Variants in AUTS2 observed in about 807,000 individuals in gnomAD.
AUTS2 encodes activator of transcription and developmental regulator AUTS2.
AUTS2 carries 17 observed loss-of-function variants against 112.4 expected under a neutral mutation model. That is an observed-to-expected ratio of 0.15 (90% CI 0.10 to 0.23). The LOEUF (loss-of-function observed/expected upper bound fraction) is 0.23. Ranked by LOEUF, AUTS2 falls within the 10% of genes least tolerant of loss-of-function variation. The pLI, the probability that AUTS2 is intolerant of heterozygous loss-of-function variation, is 1.00. For synonymous variants in AUTS2, 751 were observed against 702.7 expected (o/e 1.07, Z -1.09); for missense variants, 1,510 against 1,701.6 (o/e 0.89, Z 1.98).
chr7:70,744,499 A>G lies in AUTS2; in HGVS notation c.743-18371A>G, dbSNP rs187214260. 2.8e-4 allele frequency among the ~76,000 whole-genome samples: 43 copies of G among 152,322 alleles called. 1 individual carries two copies. The South Asian group carries it at 7.9e-3, about 28-fold the overall frequency. ...TTAGTCAGGACTAAAAGCCTTCCAC[A>G]GTGCCTTGACGAGGAGGACATATAA... On this transcript the variant is annotated intron_variant, in intron 6 of 18. Coordinates refer to ENST00000342771, the MANE Select transcript of AUTS2 (RefSeq NM_015570.4).
At chr7:70,480,872 A>G (rs1223224072) in intron 5 of AUTS2, among the ~76,000 whole-genome samples, 1 of 152,182 alleles carries the variant, frequency 6.6e-6, no homozygotes, top group Non-Finnish European at 1.5e-5. Flanking sequence ...GCAGTGCCTC[A>G]AAGGTTGGGT....
At chr7:69,979,391 C>T (rs1230320979) in intron 2 of AUTS2, among the ~76,000 whole-genome samples, 3 of 152,162 alleles carry the variant, frequency 2.0e-5, no homozygotes, top group Non-Finnish European at 2.9e-5. Flanking sequence ...GTGGATAGAC[C>T]ATTCATAGTT....
At chr7:70,000,522 T>C (rs2129552645) in intron 2 of AUTS2, among the ~76,000 whole-genome samples, 1 of 152,338 alleles carries the variant, frequency 6.6e-6, no homozygotes, top group Non-Finnish European at 1.5e-5. Context: ...TTGTGGTCTT[T>C]AATAACAGAG....
At chr7:69,952,167 T>TA (rs1333481456) in intron 2 of AUTS2, among the ~76,000 whole-genome samples, 1 of 152,218 alleles carries the variant, frequency 6.6e-6, no homozygotes, top group Non-Finnish European at 1.5e-5. Context: ...CAAAAACTGT[T>TA]AAAGTCTGAA....
chr7:70,223,165 G>A (rs1458813208), intron 4 of AUTS2, among the ~76,000 whole-genome samples: 1 of 152,144 alleles, frequency 6.6e-6, no homozygotes, highest in Non-Finnish European at 1.5e-5. Flanking sequence ...GTGATTACAG[G>A]TGTGAGCCAC....
intron 4 of AUTS2, among the ~76,000 whole-genome samples, chr7:70,423,641 T>C (rs1421380164): frequency 2.0e-5 from 3 of 152,176 alleles, no homozygotes; most frequent in Admixed American, 2.0e-4. Context: ...CAAAAAAAAA[T>C]GTTCATCAAG....
intron 6 of AUTS2, among the ~76,000 whole-genome samples, chr7:70,752,017 G>A (rs1237613976): frequency 1.3e-5 from 2 of 151,502 alleles, no homozygotes; most frequent in East Asian, 1.9e-4. Context: ...AAGCTGCCAC[G>A]CCTGGCCTGC....
chr7:70,508,613 G>A (rs777943753), intron 5 of AUTS2, among the ~76,000 whole-genome samples: 39 of 152,186 alleles, frequency 2.6e-4, no homozygotes, highest in Non-Finnish European at 2.1e-4. Flanking sequence ...GAGAAAATAT[G>A]AGTGGGGAGA....
intron 4 of AUTS2, among the ~76,000 whole-genome samples, chr7:70,163,399 T>C (rs1267217615): frequency 7.1e-6 from 1 of 141,168 alleles, no homozygotes; most frequent in African/African-American, 2.6e-5. Context: ...TCTTTAGATA[T>C]CTTTAGCAAT....
intron 2 of AUTS2, among the ~76,000 whole-genome samples, chr7:69,914,511 A>T (rs545725429): frequency 1.3e-5 from 2 of 151,988 alleles, no homozygotes; most frequent in African/African-American, 4.8e-5. Context: ...TATCCCAAGC[A>T]ACCCCTGCGC....
intron 4 of AUTS2, among the ~76,000 whole-genome samples, chr7:70,394,430 G>T (rs893281652): frequency 2.0e-5 from 3 of 152,202 alleles, no homozygotes; most frequent in Non-Finnish European, 4.4e-5. Flanking sequence ...TAACTGGATT[G>T]CCTGGGCCTG....
chr7:70,792,510 TAACTA>T lies in AUTS2; in HGVS notation c.*1515_*1519del. On this transcript the variant is annotated 3_prime_UTR_variant, in exon 19 of 19. Transcript: ENST00000342771. ...TGCAAAAAAAAAAAAAAAAAAAAGT[TAACTA>T]CAGACCATTGTTTCTAATAAGCAGA... 1 of 150,482 alleles carries T rather than the reference TAACTA, an allele frequency of 6.6e-6. No individual in the cohort carries two copies. The highest frequency in any genetic ancestry group is 3.5e-3 in the Middle Eastern group (1 of 286). 9.3% of individuals were successfully genotyped at this position (150,482 alleles called of 1,614,324 possible).
chr7:70,135,426 G>A (rs1485820916), intron 4 of AUTS2, among the ~76,000 whole-genome samples: 1 of 152,150 alleles, frequency 6.6e-6, no homozygotes, highest in East Asian at 1.9e-4. Context: ...TCATGCCTCA[G>A]TATTTTCTGA....
intron 4 of AUTS2, among the ~76,000 whole-genome samples, chr7:70,167,350 C>T (rs747016709): frequency 2.5e-4 from 38 of 152,056 alleles, no homozygotes; most frequent in Admixed American, 1.4e-3. Flanking sequence ...AGGGATCAGT[C>T]CATCAAGAAA....
chr7:70,144,153 T>G (rs1028324070), intron 4 of AUTS2, among the ~76,000 whole-genome samples: 3 of 152,064 alleles, frequency 2.0e-5, no homozygotes, highest in Non-Finnish European at 4.4e-5. Context: ...AACATTTGCC[T>G]CTTACCATTT....
intron 4 of AUTS2, among the ~76,000 whole-genome samples, chr7:70,422,761 G>GTC (rs1562948909): frequency 6.6e-6 from 1 of 152,060 alleles, no homozygotes; most frequent in Non-Finnish European, 1.5e-5. Flanking sequence ...GGGCAACAGA[G>GTC]TGAGACTCTG....
At chr7:70,157,971 G>T (rs1807873244) in intron 4 of AUTS2, among the ~76,000 whole-genome samples, 1 of 152,156 alleles carries the variant, frequency 6.6e-6, no homozygotes, top group Non-Finnish European at 1.5e-5. Context: ...TGTACAAACT[G>T]GGAATGCCTG....
At chr7:70,014,522 T>G (rs1228274641) in intron 2 of AUTS2, among the ~76,000 whole-genome samples, 1 of 152,218 alleles carries the variant, frequency 6.6e-6, no homozygotes, top group African/African-American at 2.4e-5. Flanking sequence ...TAATGAAGAT[T>G]TCAATGTTAA....
chr7:70,140,003 A>C (rs1304795934), intron 4 of AUTS2, among the ~76,000 whole-genome samples: 5 of 152,222 alleles, frequency 3.3e-5, no homozygotes, highest in Admixed American at 3.3e-4. Context: ...TCTCAAAAAA[A>C]ATTTATAAAT....
Sources: gnomAD v4.1 joint callset for allele counts (sites outside exome capture counted in the v4.1 genomes callset) on GRCh38, gnomAD v4.1.1 for gene constraint, MANE v1.5 for transcripts, NCBI Gene and HGNC (gene_info 2026-07-23, HGNC 2026-07-21) for gene names.